Variants in MVB12B observed in about 807,000 individuals in gnomAD.
MVB12B encodes the protein multivesicular body subunit 12B.
MVB12B carries 16 observed loss-of-function variants against 41.6 expected under a neutral mutation model. The ratio of observed to expected loss-of-function variants is 0.38; its 90% CI spans 0.26 to 0.58. The LOEUF is 0.58. Among genes scored for constraint, MVB12B ranks in the 20% least tolerant of loss-of-function variants. MVB12B has a pLI of 0.62. For missense variants in MVB12B, 274 were observed against 380.2 expected, an observed-to-expected ratio of 0.72 and a Z score of 2.32; for synonymous variants, 133 against 139.7, an observed-to-expected ratio of 0.95 and a Z score of 0.34.
chr9:126,384,481 A>G (rs527740701), intron 3 of MVB12B, among the ~76,000 whole-genome samples: 2 of 152,324 alleles, frequency 1.3e-5, no homozygotes, highest in East Asian at 1.9e-4. Flanking sequence ...ATTTTTAATC[A>G]TATAGTTTAG....
intron 9 of MVB12B, among the ~76,000 whole-genome samples, chr9:126,491,039 T>TA (rs1222330814): frequency 6.6e-5 from 10 of 152,254 alleles, no homozygotes; most frequent in African/African-American, 2.2e-4. Flanking sequence ...TGTTAATTAG[T>TA]AAACAGTTTG....
chr9:126,406,090 G>C (rs1040115053), intron 6 of MVB12B, among the ~76,000 whole-genome samples: 2 of 151,650 alleles, frequency 1.3e-5, no homozygotes, highest in African/African-American at 2.4e-5. Flanking sequence ...TGTCACCCAG[G>C]CTGGCGTGTT....
chr9:126,366,831 T>C (rs1246534456), intron 2 of MVB12B, among the ~76,000 whole-genome samples: 1 of 152,180 alleles, frequency 6.6e-6, no homozygotes, highest in Non-Finnish European at 1.5e-5. Context: ...GCAGCCAGCC[T>C]GTGCTCTCCG....
intron 2 of MVB12B, among the ~76,000 whole-genome samples, chr9:126,355,191 G>C (rs1394383150): frequency 6.6e-6 from 1 of 152,150 alleles, no homozygotes; most frequent in African/African-American, 2.4e-5. Flanking sequence ...AGGGAATACA[G>C]GACATAGGGG....
intron 7 of MVB12B, among the ~76,000 whole-genome samples, chr9:126,425,268 A>T (rs1832141938): frequency 6.6e-6 from 1 of 152,228 alleles, no homozygotes; most frequent in South Asian, 2.1e-4. Context: ...CCTGGGGAAC[A>T]TGGATCTTGT....
intron 6 of MVB12B, among the ~76,000 whole-genome samples, chr9:126,402,594 A>T (rs1019841795): frequency 6.6e-6 from 1 of 152,130 alleles, no homozygotes; most frequent in Non-Finnish European, 1.5e-5. Context: ...GTGAGCTGTG[A>T]TCATGATTCC....
At chr9:126,365,414 C>A (rs566017627) in intron 2 of MVB12B, among the ~76,000 whole-genome samples, 52 of 150,018 alleles carry the variant, frequency 3.5e-4, no homozygotes, top group African/African-American at 1.3e-3. Flanking sequence ...CTCACTGCAA[C>A]CTTCGTCTCC....
chr9:126,478,060 C>T lies in MVB12B; in HGVS notation c.758-3309C>T, dbSNP rs929918466. Among the ~76,000 whole-genome samples the T allele has an allele frequency of 4.6e-5, 7 of 152,108 alleles. No homozygotes were observed. The highest frequency in any genetic ancestry group is 1.7e-4 in the African/African-American group (7 of 41,398). On this transcript the variant is annotated intron_variant, in intron 7 of 9. Transcript: ENST00000361171. The surrounding 1 kb of genome is among the most constrained non-coding windows in gnomAD (Gnocchi z 4.2). Reference sequence around the variant, plus strand: ...ATGGGTGAGGGGTTTGGCTTTGGAGCGATGGAAATATTTTGGAACTAGATG... The same window carrying T: ...ATGGGTGAGGGGTTTGGCTTTGGAGTGATGGAAATATTTTGGAACTAGATG...
At chr9:126,461,984 C>T (rs574994933) in intron 7 of MVB12B, among the ~76,000 whole-genome samples, 3 of 152,358 alleles carry the variant, frequency 2.0e-5, no homozygotes, top group East Asian at 1.9e-4. Context: ...AAAGAGGCTT[C>T]GCTGAGTCTG....
At chr9:126,483,400 C>T (rs1297707458) in intron 8 of MVB12B, among the ~76,000 whole-genome samples, 3 of 152,190 alleles carry the variant, frequency 2.0e-5, no homozygotes, top group African/African-American at 4.8e-5. Flanking sequence ...ATTTTTTCCA[C>T]ATCGATTTCT....
At position 126,468,554 on chromosome 9, in the gene MVB12B, C is replaced by G. The variant is rs10987290; in HGVS notation, c.758-12815C>G. ...CCCTCTGCAGCCAGTGGCCAGGTCT[C>G]TTGATTCTTCCATCTAAATGTCCCT... On this transcript the variant is annotated intron_variant, in intron 7 of 9. Coordinates refer to ENST00000361171, the MANE Select transcript of MVB12B (RefSeq NM_033446.3). The surrounding 1 kb of genome is among the most constrained non-coding windows in gnomAD (Gnocchi z 4.3). Among the ~76,000 whole-genome samples the G allele has an allele frequency of 0.21, 32,476 of 152,164 alleles. 4,076 individuals carry two copies. The highest frequency in any genetic ancestry group is 0.28 in the Non-Finnish European group (19,223 of 67,976).
At chr9:126,446,933 A>G (rs1210272233) in intron 7 of MVB12B, among the ~76,000 whole-genome samples, 1 of 113,210 alleles carries the variant, frequency 8.8e-6, no homozygotes, top group African/African-American at 3.2e-5. Flanking sequence ...CTTTTTTTTA[A>G]CTTTCTTTTT....
intron 2 of MVB12B, among the ~76,000 whole-genome samples, chr9:126,347,893 G>A (rs1052350034): frequency 1.3e-5 from 2 of 152,216 alleles, no homozygotes; most frequent in African/African-American, 4.8e-5. Context: ...GCCTTTCAGG[G>A]GGCAGGAAAA....
chr9:126,393,282 C>G (rs1351181157), intron 5 of MVB12B, among the ~76,000 whole-genome samples: 1 of 152,226 alleles, frequency 6.6e-6, no homozygotes, highest in Non-Finnish European at 1.5e-5. Flanking sequence ...AGCTTGAAGG[C>G]CGGCACTGGG....
Position 126,346,113 on chromosome 9 carries a change from G to GA in MVB12B, c.204+5489dup, listed in dbSNP as rs576544385. Reference sequence around the variant, plus strand: ...GGTGGGAGTCACTGGGAGATTTTAAGAAAAAAGAGGCTCTTAGACAGATGT... The same window carrying GA: ...GGTGGGAGTCACTGGGAGATTTTAAGAAAAAAAGAGGCTCTTAGACAGATGT... On this transcript the variant is annotated intron_variant, in intron 2 of 9. Transcript: ENST00000361171. Among the ~76,000 whole-genome samples the GA allele has an allele frequency of 1.4e-4, 21 of 152,162 alleles. No homozygotes were observed. The South Asian group carries it at 3.3e-3, about 24-fold the overall frequency.
intron 6 of MVB12B, among the ~76,000 whole-genome samples, chr9:126,398,257 C>T (rs1366463854): frequency 6.6e-6 from 1 of 151,722 alleles, no homozygotes; most frequent in South Asian, 2.1e-4. Context: ...ATGTGGTGAG[C>T]CTCCGAGGAG....
chr9:126,467,801 T>C (rs901662063), intron 7 of MVB12B, among the ~76,000 whole-genome samples: 2 of 152,228 alleles, frequency 1.3e-5, no homozygotes, highest in Non-Finnish European at 2.9e-5. Flanking sequence ...CACAACAAGA[T>C]GTTCCTGGCC....
At chr9:126,426,910 A>G (rs888252176) in intron 7 of MVB12B, 1 of 152,520 alleles carries the variant, frequency 6.6e-6, no homozygotes, top group African/African-American at 2.4e-5. Context: ...ACTCCCACAT[A>G]TGCATTCCTT....
chr9:126,503,496 G>A lies in MVB12B; in HGVS notation c.*233G>A. 2 of 568,904 alleles carry A rather than the reference G, an allele frequency of 3.5e-6. No individual in the cohort carries two copies. The highest frequency in any genetic ancestry group is 5.9e-5 in the East Asian group (2 of 34,078). The allele number at this position is 568,904 out of a possible 1,614,324, so 35.2% of individuals were successfully genotyped here. ...TAACCATGACTAATCTGTGTGTGCT[G>A]TAGTGACCAGCGGCTCCTAACGTGT... On this transcript the variant is annotated 3_prime_UTR_variant, in exon 10 of 10. Transcript: ENST00000361171.
Sources: allele counts gnomAD v4.1 joint callset (sites outside exome capture counted in the v4.1 genomes callset), GRCh38; gene constraint gnomAD v4.1.1; non-coding constraint Gnocchi (gnomAD v3.1); transcripts MANE v1.5; gene names NCBI Gene and HGNC (gene_info 2026-07-23, HGNC 2026-07-21).